Variants in ALAS1 observed in about 807,000 individuals in gnomAD.
ALAS1 encodes the protein 5'-aminolevulinate synthase 1, also known as 5-aminolevulinate synthase, non-specific, mitochondrial.
A neutral mutation model predicts 59.6 loss-of-function variants in ALAS1; 29 were observed. The ratio of observed to expected loss-of-function variants is 0.49; its 90% CI spans 0.36 to 0.66. ALAS1 has a LOEUF of 0.66. ALAS1 is among the 30% of genes least tolerant of loss of function. ALAS1 has a pLI of 0.00. For missense variants in ALAS1, 690 were observed against 807.5 expected, an observed-to-expected ratio of 0.85 and a Z score of 1.76; for synonymous variants, 299 against 296.6, an observed-to-expected ratio of 1.01 and a Z score of -0.08.
chr3:52,212,609 G>A (rs185836279), intron 11 of ALAS1, 189 bp downstream of exon 11: 103 of 637,676 alleles, frequency 1.6e-4, no homozygotes, highest in African/African-American at 1.5e-3. Flanking sequence ...TCGGCTCACC[G>A]CAACCCCTGC....
At chr3:52,209,350 G>A (rs1410313054) in intron 9 of ALAS1, among the ~76,000 whole-genome samples, 1 of 152,206 alleles carries the variant, frequency 6.6e-6, no homozygotes, top group Non-Finnish European at 1.5e-5. Flanking sequence ...TGGGACTACA[G>A]GCACCCGCCA....
intron 1 of ALAS1, 128 bp downstream of exon 1, chr3:52,198,383 T>A: frequency 2.4e-6 from 1 of 424,164 alleles, no homozygotes; most frequent in East Asian, 3.5e-5. Context: ...CGCCTTGAGG[T>A]CAGCGTTTAT....
At chr3:52,211,190 A>C (rs1180218706) in intron 9 of ALAS1, 93 bp from the exon 10 acceptor site, 12 of 1,419,588 alleles carry the variant, frequency 8.5e-6, no homozygotes, top group Non-Finnish European at 6.7e-6. Context: ...ATAAGGAGAA[A>C]AGTCAGTGCT....
intron 9 of ALAS1, among the ~76,000 whole-genome samples, chr3:52,210,806 T>C (rs1344152235): frequency 1.3e-5 from 2 of 152,162 alleles, no homozygotes; most frequent in Admixed American, 1.3e-4. Flanking sequence ...TTAGATATCC[T>C]TTTATAGTCA....
At chr3:52,200,490 C>T (rs942666035) in intron 3 of ALAS1, among the ~76,000 whole-genome samples, 2 of 152,152 alleles carry the variant, frequency 1.3e-5, no homozygotes, top group African/African-American at 2.4e-5. Context: ...GTAATCCCAG[C>T]GCTTTGGGAG....
At chr3:52,210,286 C>A (rs867181245) in intron 9 of ALAS1, among the ~76,000 whole-genome samples, 19 of 151,964 alleles carry the variant, frequency 1.3e-4, no homozygotes, top group South Asian at 6.2e-4. Flanking sequence ...GAGCAGCAAG[C>A]CTGGGTGAGA....
At chr3:52,201,192 A>G (rs1699179450) in intron 3 of ALAS1, among the ~76,000 whole-genome samples, 1 of 152,220 alleles carries the variant, frequency 6.6e-6, no homozygotes, top group South Asian at 2.1e-4. Flanking sequence ...TTTTCTAGAA[A>G]GAAGGTGAAT....
Position 52,211,479 on chromosome 3 carries a change from A to C in ALAS1, c.1527A>C (p.Lys509Asn), listed in dbSNP as rs752732114. Residue 509 changes from lysine (K) to asparagine (N), a missense_variant, in exon 10 of 12, where the codon AAA becomes AAC. Transcript: ENST00000484952. ...VLRRQHQRNV[K>N]LMRQMLMDAG... Reference sequence around the variant, plus strand: ...GCCGCCAGCACCAGCGCAACGTCAAACTCATGAGACAGATGCTAATGGATG... The same window carrying C: ...GCCGCCAGCACCAGCGCAACGTCAACCTCATGAGACAGATGCTAATGGATG... 6.2e-7 allele frequency: 1 copy of C among 1,614,098 alleles called. No homozygotes were observed. Among genetic ancestry groups the C allele is most frequent in the Admixed American group, 1.7e-5 (1 of 60,020 alleles).
chr3:52,210,886 A>G (rs1032213546), intron 9 of ALAS1, among the ~76,000 whole-genome samples: 3 of 152,208 alleles, frequency 2.0e-5, no homozygotes, highest in African/African-American at 7.2e-5. Flanking sequence ...TTGTGCAAAC[A>G]CCATAGAGTG....
chr3:52,201,647 A>C (rs938580095), intron 3 of ALAS1, among the ~76,000 whole-genome samples: 8 of 152,218 alleles, frequency 5.3e-5, no homozygotes, highest in Non-Finnish European at 1.2e-4. Context: ...AGTCCAAGCT[A>C]CTTGGAGAGC....
intron 9 of ALAS1, among the ~76,000 whole-genome samples, chr3:52,209,566 G>A (rs988415917): frequency 1.3e-5 from 2 of 152,248 alleles, no homozygotes; most frequent in African/African-American, 2.4e-5. Flanking sequence ...TATGGTCATT[G>A]TGAGATGGAA....
In ALAS1 at chr3:52,211,275, C is replaced by T; in HGVS notation, c.1331-8C>T. On this transcript the variant is annotated splice_region_variant and splice_polypyrimidine_tract_variant and intron_variant, in intron 9 of 11. Transcript: ENST00000484952. Reference sequence around the variant, plus strand: ...GTTGCTGTAATTAATGAAGCTATCTCCTCCCAGGCAAAGCCTTTGGTTGTG... The same window carrying T: ...GTTGCTGTAATTAATGAAGCTATCTTCTCCCAGGCAAAGCCTTTGGTTGTG... 1 of 1,610,900 alleles carries T rather than the reference C, an allele frequency of 6.2e-7. No individual in the cohort carries two copies.
Position 52,206,554 on chromosome 3 carries a change from G to A in ALAS1, c.986-18G>A, listed in dbSNP as rs117730410. ...TCTTCGATGCACATGGCAATAAATA[G>A]CATTTTTGTTGTCTTAGGCTGTGAG... is the stretch of plus-strand genomic sequence containing the variant. On this transcript the variant is annotated intron_variant, in intron 7 of 11. Transcript: ENST00000484952. The A allele has an allele frequency of 1.3e-4, 208 of 1,608,136 alleles. 2 individuals carry two copies. The East Asian group carries it at 4.2e-3, about 33-fold the overall frequency.
chr3:52,208,548 G>A (rs567147376), intron 9 of ALAS1, among the ~76,000 whole-genome samples: 1 of 152,306 alleles, frequency 6.6e-6, no homozygotes, highest in East Asian at 1.9e-4. Context: ...TGTGCCTCAG[G>A]CTGTTCTTAA....
At chr3:52,209,165 A>T (rs527347164) in intron 9 of ALAS1, among the ~76,000 whole-genome samples, 1 of 152,306 alleles carries the variant, frequency 6.6e-6, no homozygotes, top group South Asian at 2.1e-4. Context: ...CTACCAGGAG[A>T]AAAACACCTG....
chr3:52,199,277 C>T lies in ALAS1; in HGVS notation c.36C>T (p.Ser12=). 6.2e-7 allele frequency: 1 copy of T among 1,614,180 alleles called. No homozygotes were observed. Among genetic ancestry groups the T allele is most frequent in the Non-Finnish European group, 8.5e-7 (1 of 1,180,028 alleles). The change falls in exon 3 of 12, where the codon TCC becomes TCT. Residue 12 remains serine (S), a synonymous_variant. Transcript: ENST00000484952. The stretch of plus-strand genomic sequence containing the variant: ...TTGTTCGCCGCTGCCCATTCTTATC[C>T]CGAGTCCCCCAGGCCTTTCTGCAGA... ...ESVVRRCPFL[S]RVPQAFLQKA...
chr3:52,207,026 C>T (rs1463548569), intron 8 of ALAS1, among the ~76,000 whole-genome samples: 2 of 118,558 alleles, frequency 1.7e-5, no homozygotes, highest in Admixed American at 9.4e-5. Flanking sequence ...TTTTTTGAGA[C>T]GGAGTCTCCC....
intron 9 of ALAS1, among the ~76,000 whole-genome samples, chr3:52,210,997 T>C (rs941029587): frequency 4.6e-5 from 7 of 152,190 alleles, no homozygotes; most frequent in African/African-American, 1.7e-4. Context: ...GTTACTGTAT[T>C]GGATACTGTT....
intron 3 of ALAS1, 127 bp from the exon 4 acceptor site, chr3:52,202,380 T>C (rs1699204263): frequency 1.6e-5 from 12 of 764,774 alleles, no homozygotes; most frequent in Non-Finnish European, 2.6e-5. Context: ...AAAACACTTG[T>C]GTCTGGATGG....
Sources: gnomAD v4.1 joint callset for allele counts (sites outside exome capture counted in the v4.1 genomes callset) on GRCh38, gnomAD v4.1.1 for gene constraint, MANE v1.5 for transcripts, NCBI Gene and HGNC (gene_info 2026-07-23, HGNC 2026-07-21) for gene names.